The following SLC5A7 variants were observed in gnomAD, a reference collection of about 807,000 sequenced individuals.
The protein encoded by SLC5A7 is high affinity choline transporter 1.
Under a neutral mutation model 55.4 loss-of-function variants are expected in SLC5A7, and 19 were observed. The observed-to-expected ratio is 0.34, with a 90% CI of 0.24 to 0.50. SLC5A7 has a LOEUF of 0.50. Ranked by LOEUF, SLC5A7 falls within the 20% of genes least tolerant of loss-of-function variation. SLC5A7 has a pLI of 0.98. For synonymous variants in SLC5A7, 265 were observed against 263.7 expected, an observed-to-expected ratio of 1.00 and a Z score of -0.05; for missense variants, 506 against 705.3, an observed-to-expected ratio of 0.72 and a Z score of 3.20.
intron 2 of SLC5A7, among the ~76,000 whole-genome samples, chr2:107,989,919 G>A (rs995272984): frequency 4.0e-5 from 6 of 151,878 alleles, no homozygotes; most frequent in Non-Finnish European, 7.4e-5. Context: ...TAAAAGGTAC[G>A]GAAAATATTT....
intron 8 of SLC5A7, 72 bp from the exon 9 acceptor site, chr2:108,010,160 A>C (rs368869933): frequency 1.3e-6 from 2 of 1,530,512 alleles, no homozygotes; most frequent in Admixed American, 2.1e-5. Flanking sequence ...GAAGCAAAAA[A>C]TATGTCTCAT....
intron 7 of SLC5A7, among the ~76,000 whole-genome samples, chr2:108,007,163 G>T (rs968762212): frequency 1.5e-4 from 23 of 152,054 alleles, no homozygotes; most frequent in Admixed American, 1.5e-3. Context: ...AAATTCAAAG[G>T]CATCTTCTAC....
At position 107,988,233 on chromosome 2, in the gene SLC5A7, C is replaced by A; in HGVS notation, c.78C>A (p.Ala26=). ...TTTTGCTGGTTGGAATATGGGCTGC[C>A]TGGAGAACCAAAAACAGTGGCAGCG... The part of the protein sequence containing the change: ...LLILLVGIWA[A]WRTKNSGSAE... Residue 26 remains alanine, a synonymous_variant, in exon 2 of 9, where the codon GCC becomes GCA. Transcript: ENST00000264047. The A allele has an allele frequency of 6.2e-7, 1 of 1,614,124 alleles. No individual in the cohort carries two copies. Among genetic ancestry groups the A allele is most frequent in the Non-Finnish European group, 8.5e-7 (1 of 1,179,978 alleles).
In SLC5A7 at chr2:107,995,470, A is replaced by AGTGT. The variant is rs57328827; in HGVS notation, c.449-2340_449-2337dup. On this transcript the variant is annotated intron_variant, in intron 4 of 8. Coordinates refer to ENST00000264047, the MANE Select transcript of SLC5A7 (RefSeq NM_021815.5). Reference sequence around the variant, plus strand: ...GAGAGAGAGAGAGAGAGAGAGAGAGAGTGTGTGTGTGTGTGTGTGTGTGTG... The same window carrying AGTGT: ...GAGAGAGAGAGAGAGAGAGAGAGAGAGTGTGTGTGTGTGTGTGTGTGTGTGTGTG... Among the ~76,000 whole-genome samples the AGTGT allele has an allele frequency of 4.4e-3, 599 of 137,240 alleles. 3 individuals are homozygous for AGTGT. Among genetic ancestry groups the AGTGT allele is most frequent in the African/African-American group, 7.4e-3 (269 of 36,134 alleles). 90.0% of individuals were successfully genotyped at this position (137,240 alleles called of 152,430 possible). A position where few individuals can be genotyped will look rare whatever the true frequency, so the allele number is the denominator to read the frequency against.
intron 6 of SLC5A7, 66 bp from the exon 7 acceptor site, chr2:108,005,983 T>C: frequency 1.9e-6 from 3 of 1,589,064 alleles, no homozygotes; most frequent in Non-Finnish European, 8.6e-7. Context: ...CTAAATGTGA[T>C]TGCAATAAAA....
intron 2 of SLC5A7, among the ~76,000 whole-genome samples, chr2:107,989,722 G>A (rs1234847185): frequency 6.6e-6 from 1 of 152,150 alleles, no homozygotes; most frequent in East Asian, 1.9e-4. Flanking sequence ...CTTTCAAAAG[G>A]TGCACAGTTT....
At chr2:108,001,343 G>A (rs1213959988) in intron 5 of SLC5A7, among the ~76,000 whole-genome samples, 1 of 152,088 alleles carries the variant, frequency 6.6e-6, no homozygotes, top group South Asian at 2.1e-4. Context: ...TGTTGCTGCT[G>A]CTATAGTTTG....
chr2:107,991,550 A>G (rs965308148), intron 2 of SLC5A7, among the ~76,000 whole-genome samples: 4 of 152,172 alleles, frequency 2.6e-5, no homozygotes, highest in African/African-American at 7.2e-5. Flanking sequence ...AAAAGACTCT[A>G]TTAGTGAAAA....
At chr2:108,005,572 G>T (rs906799703) in intron 6 of SLC5A7, among the ~76,000 whole-genome samples, 1 of 152,126 alleles carries the variant, frequency 6.6e-6, no homozygotes, top group South Asian at 2.1e-4. Context: ...AGTTCAGTTG[G>T]GTAACAAAGC....
chr2:107,999,639 G>A lies in SLC5A7; in HGVS notation c.597+1653G>A, dbSNP rs114128553. ...GTTTTCCAAACTTTAATTGCTGTGT[G>A]AGCATACATAATTAATCAACTTACC... On this transcript the variant is annotated intron_variant, in intron 5 of 8. Coordinates refer to ENST00000264047, the MANE Select transcript of SLC5A7 (RefSeq NM_021815.5). Among the ~76,000 whole-genome samples the A allele has an allele frequency of 8.8e-3, 1,346 of 152,242 alleles. 25 individuals carry two copies. The highest frequency in any genetic ancestry group is 0.031 in the African/African-American group (1,306 of 41,544).
rs1000980284 is a variant in SLC5A7, at chr2:107,986,760, C to G, written c.-55C>G. ...AGCGCTTTCGCGTGCAGCCACCACT[C>G]CAGGTAGGAGCGGAGCGGGCATTCC... On this transcript the variant is annotated 5_prime_UTR_variant, in exon 1 of 9. Coordinates refer to ENST00000264047, the MANE Select transcript of SLC5A7 (RefSeq NM_021815.5). 3.3e-5 allele frequency: 5 copies of G among 152,388 alleles called. No homozygotes were observed. The East Asian group carries it at 9.7e-4, about 30-fold the overall frequency. 9.4% of individuals were successfully genotyped at this position (152,388 alleles called of 1,614,324 possible). A position where few individuals can be genotyped will look rare whatever the true frequency, so the allele number is the denominator to read the frequency against.
Position 108,011,861 on chromosome 2 carries a change from T to A in SLC5A7, c.*1000T>A, listed in dbSNP as rs961338194. 2.0e-5 allele frequency: 3 copies of A among 152,228 alleles called. No homozygotes were observed. The highest frequency in any genetic ancestry group is 7.2e-5 in the African/African-American group (3 of 41,410). The allele number at this position is 152,228 out of a possible 1,614,324, so 9.4% of individuals were successfully genotyped here. A position where few individuals can be genotyped will look rare whatever the true frequency, so the allele number is the denominator to read the frequency against. ...GGGAAGCCTCCACAACACCTCCTGA[T>A]AGTAGTAAAATTAGAAAAAAACAAA... On this transcript the variant is annotated 3_prime_UTR_variant, in exon 9 of 9. Coordinates refer to ENST00000264047, the MANE Select transcript of SLC5A7 (RefSeq NM_021815.5).
At chr2:108,005,814 C>T (rs537237792) in intron 6 of SLC5A7, among the ~76,000 whole-genome samples, 1 of 152,282 alleles carries the variant, frequency 6.6e-6, no homozygotes, top group East Asian at 1.9e-4. Flanking sequence ...AAGTTGCCAA[C>T]TTGATACCTA....
At position 108,006,145 on chromosome 2, in the gene SLC5A7, G is replaced by A. The variant is rs1678112600; in HGVS notation, c.838G>A (p.Gly280Arg). 1.2e-6 allele frequency: 2 copies of A among 1,613,868 alleles called. No homozygotes were observed. Among genetic ancestry groups the A allele is most frequent in the Non-Finnish European group, 1.7e-6 (2 of 1,179,978 alleles). The change falls in exon 7 of 9, where the codon GGG becomes AGG. Residue 280 changes from glycine (G) to arginine (R), a missense_variant. This residue lies in a region of SLC5A7 where 309 missense variants were observed against 478.6 expected (regional missense o/e 0.65). Transcript: ENST00000264047. The stretch of plus-strand genomic sequence containing the variant: ...AGTGCTGTCCTTCCTGGCAGCTTTC[G>A]GGTGCCTGGTGATGGCCATCCCAGC... ...AQVLSFLAAF[G>R]CLVMAIPAIL... is the part of the protein sequence containing the mutation.
At chr2:108,007,174 G>C (rs111769050) in intron 7 of SLC5A7, among the ~76,000 whole-genome samples, 3 of 152,052 alleles carry the variant, frequency 2.0e-5, no homozygotes, top group Admixed American at 6.6e-5. Flanking sequence ...CATCTTCTAC[G>C]TAGAGGTAAT....
intron 4 of SLC5A7, among the ~76,000 whole-genome samples, chr2:107,995,132 C>T (rs902142479): frequency 2.0e-5 from 3 of 152,112 alleles, no homozygotes; most frequent in Admixed American, 1.3e-4. Flanking sequence ...GAGTTGGTAG[C>T]GCCTACTACA....
intron 1 of SLC5A7, among the ~76,000 whole-genome samples, chr2:107,987,016 G>C (rs1573585356): frequency 1.3e-5 from 2 of 152,226 alleles, no homozygotes; most frequent in Non-Finnish European, 2.9e-5. Flanking sequence ...GCTGCGGAGA[G>C]GAACTTGCCT....
intron 4 of SLC5A7, among the ~76,000 whole-genome samples, chr2:107,994,596 A>T (rs1347272992): frequency 6.6e-6 from 1 of 152,092 alleles, no homozygotes; most frequent in East Asian, 1.9e-4. Flanking sequence ...AAAAAGAAAA[A>T]AAAAGAAACA....
intron 7 of SLC5A7, 110 bp from the exon 8 acceptor site, chr2:108,008,355 A>T: frequency 1.3e-6 from 1 of 749,810 alleles, no homozygotes; most frequent in Non-Finnish European, 2.2e-6. Context: ...AGACTAATGT[A>T]TATGATTCTG....
Sources: gnomAD v4.1 joint callset for allele counts (sites outside exome capture counted in the v4.1 genomes callset) on GRCh38, gnomAD v4.1.1 for gene constraint, gnomAD v4.1.1 regional missense constraint, MANE v1.5 for transcripts, NCBI Gene and HGNC (gene_info 2026-07-23, HGNC 2026-07-21) for gene names.